Variants in CFAP95 observed in about 807,000 individuals in gnomAD.
CFAP95 encodes the protein cilia and flagella associated protein 95.
the CFAP95 span, among the ~76,000 whole-genome samples, chr9:69,865,469 CT>C: frequency 6.6e-6 from 1 of 152,140 alleles, no homozygotes; most frequent in Non-Finnish European, 1.5e-5. Flanking sequence ...CAGCTTTCTT[CT>C]TTTGGACAAC....
chr9:69,826,180 T>A, the CFAP95 span, among the ~76,000 whole-genome samples: 2 of 152,182 alleles, frequency 1.3e-5, no homozygotes, highest in African/African-American at 4.8e-5. Flanking sequence ...CTCTTCAGAC[T>A]TCCCCCCACC....
the CFAP95 span, among the ~76,000 whole-genome samples, chr9:69,866,396 G>A: frequency 3.9e-5 from 6 of 152,198 alleles, no homozygotes; most frequent in African/African-American, 7.2e-5. Flanking sequence ...GTAACTCCTG[G>A]TTCAATTCTG....
At chr9:69,859,677 A>G in the CFAP95 span, among the ~76,000 whole-genome samples, 8 of 152,354 alleles carry the variant, frequency 5.3e-5, no homozygotes, top group East Asian at 1.2e-3. Context: ...ACAGTCATGC[A>G]TCGCATAATG....
chr9:69,872,169 G>A, the CFAP95 span, among the ~76,000 whole-genome samples: 3 of 152,052 alleles, frequency 2.0e-5, no homozygotes, highest in African/African-American at 7.2e-5. Flanking sequence ...ACTTTTAATG[G>A]GAAAATCTGC....
At chr9:69,893,439 T>C in the CFAP95 span, among the ~76,000 whole-genome samples, 141 of 152,362 alleles carry the variant, frequency 9.3e-4, 1 homozygote, top group African/African-American at 3.1e-3. Flanking sequence ...GAAGATTCTA[T>C]AGAAAGCCTC....
At chr9:69,831,233 C>T in the CFAP95 span, among the ~76,000 whole-genome samples, 1 of 151,790 alleles carries the variant, frequency 6.6e-6, no homozygotes, top group East Asian at 1.9e-4. Context: ...AATTTCATTG[C>T]AAATAATTTA....
At chr9:69,895,424 T>A in the CFAP95 span, among the ~76,000 whole-genome samples, 12 of 151,266 alleles carry the variant, frequency 7.9e-5, no homozygotes, top group African/African-American at 2.9e-4. Context: ...TCTCTGGAGA[T>A]CTTTGACTGA....
the CFAP95 span, among the ~76,000 whole-genome samples, chr9:69,825,445 T>A: frequency 1.3e-5 from 2 of 152,214 alleles, no homozygotes; most frequent in Admixed American, 1.3e-4. Context: ...AAATCCTTTT[T>A]AGGGGATACC....
the CFAP95 span, among the ~76,000 whole-genome samples, chr9:69,897,985 G>T: frequency 6.6e-6 from 1 of 152,144 alleles, no homozygotes; most frequent in African/African-American, 2.4e-5. Flanking sequence ...TTCCCCTATG[G>T]TGATTCTTTT....
chr9:69,857,864 A>G, the CFAP95 span: 9 of 1,574,620 alleles, frequency 5.7e-6, no homozygotes, highest in East Asian at 2.0e-4. Flanking sequence ...AAGTTTACAC[A>G]TTACACTCTA....
chr9:69,883,845 A>G, the CFAP95 span, among the ~76,000 whole-genome samples: 2 of 143,000 alleles, frequency 1.4e-5, no homozygotes, highest in East Asian at 2.1e-4. Context: ...TTAAAAAAAA[A>G]TCATTCTTTT....
At chr9:69,854,401 T>C in the CFAP95 span, among the ~76,000 whole-genome samples, 2 of 152,230 alleles carry the variant, frequency 1.3e-5, no homozygotes, top group Non-Finnish European at 2.9e-5. Context: ...TGTTTACAAA[T>C]CTAGTTGTAG....
the CFAP95 span, among the ~76,000 whole-genome samples, chr9:69,846,421 T>C: frequency 2.0e-5 from 3 of 152,208 alleles, no homozygotes; most frequent in African/African-American, 7.2e-5. Context: ...GGAATGTGTA[T>C]TCAATAGAAA....
At chr9:69,840,360 C>G in the CFAP95 span, among the ~76,000 whole-genome samples, 1 of 152,088 alleles carries the variant, frequency 6.6e-6, no homozygotes, top group Non-Finnish European at 1.5e-5. Flanking sequence ...GGCTATAAGG[C>G]TTAGTTAGTT....
At chr9:69,877,311 C>CT in the CFAP95 span, among the ~76,000 whole-genome samples, 56 of 152,240 alleles carry the variant, frequency 3.7e-4, no homozygotes, top group Admixed American at 1.8e-3. Context: ...CTCTTTGGCA[C>CT]TTCATAGAGT....
At chr9:69,852,352 G>T in the CFAP95 span, among the ~76,000 whole-genome samples, 1 of 152,126 alleles carries the variant, frequency 6.6e-6, no homozygotes, top group African/African-American at 2.4e-5. Context: ...TATTTGGGCG[G>T]TAACTGAGTT....
At chr9:69,843,248 AT>A in the CFAP95 span, among the ~76,000 whole-genome samples, 1 of 152,072 alleles carries the variant, frequency 6.6e-6, no homozygotes, top group Non-Finnish European at 1.5e-5. Flanking sequence ...GGATGATTGA[AT>A]TCTCGGGTAC....
At chr9:69,839,735 T>G in the CFAP95 span, among the ~76,000 whole-genome samples, 1 of 151,580 alleles carries the variant, frequency 6.6e-6, no homozygotes, top group Non-Finnish European at 1.5e-5. Context: ...CAAATTTTGG[T>G]TTCAATTTTA....
the CFAP95 span, among the ~76,000 whole-genome samples, chr9:69,901,122 T>A: frequency 6.6e-6 from 1 of 151,128 alleles, no homozygotes; most frequent in East Asian, 1.9e-4. Context: ...TGGTGTTTGG[T>A]TTTGTTTTGT....
Sources: gnomAD v4.1 joint callset for allele counts (sites outside exome capture counted in the v4.1 genomes callset) on GRCh38, gnomAD v4.1.1 for gene constraint, MANE v1.5 for transcripts, NCBI Gene and HGNC (gene_info 2026-07-23, HGNC 2026-07-21) for gene names.